The following ECHDC1 variants were observed in gnomAD, a reference collection of about 807,000 sequenced individuals.
ECHDC1 encodes ethylmalonyl-CoA decarboxylase.
In ECHDC1, 29 loss-of-function variants were observed where a neutral mutation model predicts 29.7. The ratio of observed to expected loss-of-function variants is 0.98; its 90% CI spans 0.73 to 1.33. The LOEUF is 1.33. ECHDC1 is among the 40% of genes most tolerant of loss of function. ECHDC1 has a pLI of 0.00. For missense variants in ECHDC1, 328 were observed against 350.0 expected (o/e 0.94, Z 0.50); for synonymous variants, 126 against 123.1 (o/e 1.02, Z -0.15).
chr6:127,312,096 C>G (rs1390359247), intron 5 of ECHDC1, among the ~76,000 whole-genome samples: 5 of 152,108 alleles, frequency 3.3e-5, no homozygotes, highest in African/African-American at 7.2e-5. Context: ...AGTATTCTTT[C>G]TCCTAAGGCT....
At chr6:127,329,804 A>G (rs1274530520) in intron 2 of ECHDC1, 1 of 409,616 alleles carries the variant, frequency 2.4e-6, no homozygotes, top group Admixed American at 3.0e-5. Context: ...AATATTTAAA[A>G]TTGCACATGT....
intron 3 of ECHDC1, among the ~76,000 whole-genome samples, chr6:127,322,646 G>GTATATATATATATATA (rs60212728): frequency 1.8e-4 from 27 of 149,232 alleles, no homozygotes; most frequent in African/African-American, 6.1e-4. Flanking sequence ...ATATATGTGT[G>GTATATATATATATATA]TATATATATA....
At chr6:127,306,080 C>T (rs1263909506) in intron 5 of ECHDC1, among the ~76,000 whole-genome samples, 1 of 146,060 alleles carries the variant, frequency 6.8e-6, no homozygotes, top group Non-Finnish European at 1.5e-5. Context: ...TATAAAGACA[C>T]ACGAAGACTG....
chr6:127,343,516 G>A lies in ECHDC1; in HGVS notation c.-183C>T, dbSNP rs11556354. The stretch of plus-strand genomic sequence containing the variant: ...TCCCACGCTCTCCTTTCCTTTCTCC[G>A]GGAACTTTATCCCGTTCCCCTGCCG... On this transcript the variant is annotated 5_prime_UTR_variant, in exon 1 of 6. Coordinates refer to ENST00000454859, the MANE Select transcript of ECHDC1 (RefSeq NM_001002030.2). 0.47 allele frequency: 71,211 copies of A among 151,634 alleles called. 18,950 individuals are homozygous for A. Among genetic ancestry groups the A allele is most frequent in the Non-Finnish European group, 0.61 (41,595 of 67,858 alleles). 9.4% of individuals were successfully genotyped at this position (151,634 alleles called of 1,614,324 possible). A position where few individuals can be genotyped will look rare whatever the true frequency, so the allele number is the denominator to read the frequency against.
intron 5 of ECHDC1, among the ~76,000 whole-genome samples, chr6:127,309,126 C>A (rs1452299497): frequency 2.0e-5 from 3 of 151,960 alleles, no homozygotes; most frequent in African/African-American, 7.2e-5. Flanking sequence ...TATGGAACCA[C>A]AAAAAACACA....
chr6:127,323,837 AG>A (rs1783058444), intron 3 of ECHDC1, among the ~76,000 whole-genome samples: 1 of 151,870 alleles, frequency 6.6e-6, no homozygotes, highest in African/African-American at 2.4e-5. Context: ...GATGTGGTAG[AG>A]GGGGAAGGAG....
intron 5 of ECHDC1, chr6:127,312,989 A>G (rs1000344557): frequency 4.6e-5 from 7 of 152,214 alleles, no homozygotes; most frequent in African/African-American, 1.7e-4. Flanking sequence ...AATCTACTTT[A>G]AAGTGAGAAA....
Position 127,290,288 on chromosome 6 carries a change from AAAAAG to A in ECHDC1, c.498-16_498-12del. The stretch of plus-strand genomic sequence containing the variant: ...TCTGGAGTCATTAACCTGTAAAAGA[AAAAAG>A]AAAAGCTTAATTGTAACTCTCTCTG... On this transcript the variant is annotated splice_polypyrimidine_tract_variant and intron_variant, in intron 5 of 5. Coordinates refer to ENST00000454859, the MANE Select transcript of ECHDC1 (RefSeq NM_001002030.2). The A allele has an allele frequency of 1.2e-6, 2 of 1,602,604 alleles. No homozygotes were observed. Among genetic ancestry groups the A allele is most frequent in the South Asian group, 2.2e-5 (2 of 90,176 alleles).
intron 1 of ECHDC1, among the ~76,000 whole-genome samples, chr6:127,337,949 T>C (rs1408216495): frequency 2.0e-5 from 3 of 152,206 alleles, no homozygotes; most frequent in African/African-American, 7.2e-5. Context: ...TTTAAAAACA[T>C]AGTAACTGGA....
intron 1 of ECHDC1, among the ~76,000 whole-genome samples, chr6:127,334,477 C>T (rs1008462754): frequency 1.3e-5 from 2 of 152,122 alleles, no homozygotes; most frequent in Admixed American, 6.6e-5. Flanking sequence ...CAGTTAGTAG[C>T]ATACTGTTCT....
chr6:127,328,422 A>G (rs1253697878), intron 2 of ECHDC1, among the ~76,000 whole-genome samples: 1 of 152,248 alleles, frequency 6.6e-6, no homozygotes, highest in East Asian at 1.9e-4. Flanking sequence ...GCCTAGGAGC[A>G]GCAAGCTGTA....
chr6:127,304,131 C>A (rs1781266023), intron 5 of ECHDC1, among the ~76,000 whole-genome samples: 1 of 152,154 alleles, frequency 6.6e-6, no homozygotes, highest in African/African-American at 2.4e-5. Flanking sequence ...CCAGCACAGT[C>A]CTAGTGGCGG....
intron 5 of ECHDC1, among the ~76,000 whole-genome samples, chr6:127,298,592 G>T (rs1046745527): frequency 4.1e-5 from 6 of 147,226 alleles, no homozygotes; most frequent in Non-Finnish European, 8.9e-5. Context: ...TATAAATAAG[G>T]TATACAGTCA....
rs1781663194 is a variant in ECHDC1 at position 127,308,984 on chromosome 6, G to A, written c.497+5832C>T. Among the ~76,000 whole-genome samples, 3 of 152,262 alleles carry A rather than the reference G, an allele frequency of 2.0e-5. 1 individual carries two copies. In the South Asian group the frequency reaches 6.2e-4, roughly 32 times the overall value. On this transcript the variant is annotated intron_variant, in intron 5 of 5. Transcript: ENST00000454859. Reference sequence around the variant, plus strand: ...CATTAAAAATGAAAAGATATCCCATGTTCGTGGATTGGAAGAATCAACATT... The same window carrying A: ...CATTAAAAATGAAAAGATATCCCATATTCGTGGATTGGAAGAATCAACATT...
intron 5 of ECHDC1, among the ~76,000 whole-genome samples, chr6:127,303,833 A>T (rs1166402920): frequency 1.3e-5 from 2 of 152,160 alleles, no homozygotes; most frequent in Non-Finnish European, 2.9e-5. Context: ...GGGAGAAAAG[A>T]CTGGAAAGGT....
chr6:127,315,764 C>A, intron 4 of ECHDC1: 1 of 373,402 alleles, frequency 2.7e-6, no homozygotes, highest in Non-Finnish European at 5.4e-6. Context: ...CTATTACTCT[C>A]TCTAGACTCT....
chr6:127,294,184 A>G (rs1562303524), intron 5 of ECHDC1, among the ~76,000 whole-genome samples: 1 of 152,198 alleles, frequency 6.6e-6, no homozygotes. Context: ...TTATACATTT[A>G]AAGTTTGGAA....
At chr6:127,326,979 T>A (rs753084923) in intron 3 of ECHDC1, 23 bp downstream of exon 3, 1 of 1,602,128 alleles carries the variant, frequency 6.2e-7, no homozygotes, top group Non-Finnish European at 8.5e-7. Flanking sequence ...TAGAATCAAA[T>A]GCATAATTCA....
intron 4 of ECHDC1, chr6:127,315,908 A>G (rs1168069217): frequency 4.3e-6 from 2 of 467,976 alleles, no homozygotes; most frequent in Non-Finnish European, 8.9e-6. Flanking sequence ...CAACCAAAAC[A>G]TGTCAGTTTG....
Sources: gnomAD v4.1 joint callset for allele counts (sites outside exome capture counted in the v4.1 genomes callset) on GRCh38, gnomAD v4.1.1 for gene constraint, MANE v1.5 for transcripts, NCBI Gene and HGNC (gene_info 2026-07-23, HGNC 2026-07-21) for gene names.